The following GMPS variants were observed in gnomAD, a reference collection of about 807,000 sequenced individuals.
GMPS encodes the protein guanosine monophosphate synthase.
Under a neutral mutation model 77.9 loss-of-function variants are expected in GMPS, and 15 were observed. That is an observed-to-expected ratio of 0.19 (90% CI 0.13 to 0.30). The LOEUF (loss-of-function observed/expected upper bound fraction) is 0.30. Among genes scored for constraint, GMPS ranks in the 10% least tolerant of loss-of-function variants. The pLI is 1.00. For synonymous variants in GMPS, 224 were observed against 275.9 expected (o/e 0.81, Z 1.86); for missense variants, 590 against 838.8 (o/e 0.70, Z 3.66).
chr3:155,931,890 A>G lies in GMPS; in HGVS notation c.1676+10A>G, dbSNP rs1275366572. 5 of 1,242,974 alleles carry G rather than the reference A, an allele frequency of 4.0e-6. No individual in the cohort carries two copies. The South Asian group carries it at 4.8e-5, about 12-fold the overall frequency. The allele number at this position is 1,242,974 out of a possible 1,614,324, so 77.0% of individuals were successfully genotyped here. On this transcript the variant is annotated intron_variant, in intron 13 of 15. Transcript: ENST00000496455. The stretch of plus-strand genomic sequence containing the variant: ...GTCACAACGTTAACAGGTGTGTTTC[A>G]CAGGAGCTAGGGTGGGGGCTTGTGT...
rs938063732 is a variant in GMPS at position 155,917,123 on chromosome 3, G to A, written c.1212+931G>A. Among the ~76,000 whole-genome samples the A allele has an allele frequency of 3.3e-5, 5 of 151,954 alleles. No individual in the cohort carries two copies. In the East Asian group the frequency reaches 5.8e-4, roughly 18 times the overall value. ...CAAGTAGCTGGGATTACAGGCATGCGCCACGAGGCCCGGCTAATTTTGTAT... is the reference window on the plus strand; with the variant it reads ...CAAGTAGCTGGGATTACAGGCATGCACCACGAGGCCCGGCTAATTTTGTAT... On this transcript the variant is annotated intron_variant, in intron 9 of 15. Coordinates refer to ENST00000496455, the MANE Select transcript of GMPS (RefSeq NM_003875.3).
At chr3:155,894,957 A>C (rs1267246252) in intron 2 of GMPS, among the ~76,000 whole-genome samples, 1 of 152,224 alleles carries the variant, frequency 6.6e-6, no homozygotes, top group Non-Finnish European at 1.5e-5. Flanking sequence ...AGAGGGATCA[A>C]AAAACTCTGT....
intron 12 of GMPS, among the ~76,000 whole-genome samples, chr3:155,929,035 C>T (rs1416727129): frequency 6.6e-6 from 1 of 151,410 alleles, no homozygotes; most frequent in African/African-American, 2.4e-5. Context: ...GATTTATAGT[C>T]GTTTGGGTAT....
chr3:155,910,030 G>A (rs1490260973), intron 5 of GMPS, among the ~76,000 whole-genome samples: 3 of 151,278 alleles, frequency 2.0e-5, no homozygotes, highest in Non-Finnish European at 4.4e-5. Flanking sequence ...GGATTACAAG[G>A]TCAGGAGATC....
At chr3:155,937,532 C>T (rs1048548812) in intron 15 of GMPS, 59 bp from the exon 16 acceptor site, 2 of 779,874 alleles carry the variant, frequency 2.6e-6, no homozygotes, top group African/African-American at 3.4e-5. Context: ...AATGTAAGCC[C>T]TCTAGGACTG....
chr3:155,871,893 C>G (rs552278625), intron 1 of GMPS, among the ~76,000 whole-genome samples: 4 of 152,342 alleles, frequency 2.6e-5, no homozygotes, highest in Admixed American at 2.6e-4. Flanking sequence ...TGGGCACCTT[C>G]GCTTTCACCT....
At chr3:155,871,020 C>G in intron 1 of GMPS, 123 bp downstream of exon 1, 1 of 856,632 alleles carries the variant, frequency 1.2e-6, no homozygotes, top group South Asian at 2.5e-5. Flanking sequence ...CCCTGCGCCC[C>G]GGGCAGCCAC....
At chr3:155,886,611 CTTTTTTTTTT>C (rs58367815) in intron 1 of GMPS, among the ~76,000 whole-genome samples, 9 of 78,020 alleles carry the variant, frequency 1.2e-4, no homozygotes, top group Admixed American at 1.9e-4. Context: ...TTCCTGATGA[CTTTTTTTTTT>C]TTTTTTTTTT....
intron 13 of GMPS, among the ~76,000 whole-genome samples, chr3:155,932,083 C>G (rs896276629): frequency 9.9e-5 from 15 of 152,196 alleles, no homozygotes; most frequent in Admixed American, 2.6e-4. Flanking sequence ...TGTTTTGACT[C>G]TTCATCACAA....
Position 155,889,183 on chromosome 3 carries a change from G to A in GMPS, c.28-4335G>A, listed in dbSNP as rs549442664. Reference sequence around the variant, plus strand: ...ACTTCCTCTTCTGTTAAAAAATTATGGCACTTGTTTCCTAAGAATTCCTGG... The same window carrying A: ...ACTTCCTCTTCTGTTAAAAAATTATAGCACTTGTTTCCTAAGAATTCCTGG... On this transcript the variant is annotated intron_variant, in intron 1 of 15. Coordinates refer to ENST00000496455, the MANE Select transcript of GMPS (RefSeq NM_003875.3). Among the ~76,000 whole-genome samples the A allele has an allele frequency of 2.0e-5, 3 of 152,244 alleles. No individual in the cohort carries two copies. In the South Asian group the frequency reaches 6.2e-4, roughly 32 times the overall value.
chr3:155,928,455 A>G (rs1351461384), intron 12 of GMPS, among the ~76,000 whole-genome samples: 2 of 152,132 alleles, frequency 1.3e-5, no homozygotes, highest in African/African-American at 4.8e-5. Flanking sequence ...TGCTTTTCAT[A>G]AAAAAAGCAA....
intron 2 of GMPS, among the ~76,000 whole-genome samples, chr3:155,896,762 A>G (rs1034267387): frequency 6.6e-5 from 7 of 105,276 alleles, no homozygotes; most frequent in African/African-American, 2.2e-4. Flanking sequence ...TATAAATTTG[A>G]CTTATGTTGT....
chr3:155,937,448 A>C, intron 15 of GMPS, 143 bp from the exon 16 acceptor site: 1 of 602,580 alleles, frequency 1.7e-6, no homozygotes, highest in Non-Finnish European at 3.0e-6. Flanking sequence ...TTCATTATAT[A>C]AGATTAATCA....
intron 5 of GMPS, among the ~76,000 whole-genome samples, chr3:155,907,772 A>G (rs1242772191): frequency 2.0e-5 from 3 of 152,236 alleles, no homozygotes; most frequent in Non-Finnish European, 4.4e-5. Context: ...TTTATAGGCT[A>G]TTCAGGGAAG....
intron 12 of GMPS, among the ~76,000 whole-genome samples, chr3:155,930,988 G>A (rs1755600966): frequency 6.6e-6 from 1 of 151,906 alleles, no homozygotes; most frequent in African/African-American, 2.4e-5. Flanking sequence ...ACACTGCCCA[G>A]CTAATTTTTG....
intron 1 of GMPS, among the ~76,000 whole-genome samples, chr3:155,879,730 CTTTT>C (rs58045835): frequency 9.3e-6 from 1 of 107,630 alleles, no homozygotes. Flanking sequence ...CTTTTTTGCC[CTTTT>C]TTTTTTTTTT....
At chr3:155,877,829 G>C (rs1433760929) in intron 1 of GMPS, among the ~76,000 whole-genome samples, 1 of 139,442 alleles carries the variant, frequency 7.2e-6, no homozygotes, top group East Asian at 2.1e-4. Flanking sequence ...ACAGAGTCTC[G>C]CTAGTACAGT....
intron 1 of GMPS, among the ~76,000 whole-genome samples, chr3:155,879,730 CT>C (rs58045835): frequency 1.5e-3 from 161 of 107,624 alleles, no homozygotes; most frequent in Middle Eastern, 6.3e-3. Context: ...CTTTTTTGCC[CT>C]TTTTTTTTTT....
chr3:155,943,336 A>C lies in GMPS; in HGVS notation c.*5644A>C, dbSNP rs1182098542. The stretch of plus-strand genomic sequence containing the variant: ...TTATGAAAGTTTAGGAAATTTGGCT[A>C]TTGAGTATATTAAGTACAACTACAA... On this transcript the variant is annotated 3_prime_UTR_variant, in exon 16 of 16. Coordinates refer to ENST00000496455, the MANE Select transcript of GMPS (RefSeq NM_003875.3). 1 of 181,170 alleles carries C rather than the reference A, an allele frequency of 5.5e-6. No individual in the cohort carries two copies. Among genetic ancestry groups the C allele is most frequent in the African/African-American group, 2.4e-5 (1 of 42,452 alleles). 11.2% of individuals were successfully genotyped at this position (181,170 alleles called of 1,614,324 possible). A position where few individuals can be genotyped will look rare whatever the true frequency, so the allele number is the denominator to read the frequency against.
Sources: allele counts gnomAD v4.1 joint callset (sites outside exome capture counted in the v4.1 genomes callset), GRCh38; gene constraint gnomAD v4.1.1; transcripts MANE v1.5; gene names NCBI Gene and HGNC (gene_info 2026-07-23, HGNC 2026-07-21).